The following GAPDH variants were observed in gnomAD, a reference collection of about 807,000 sequenced individuals.
GAPDH encodes glyceraldehyde-3-phosphate dehydrogenase.
GAPDH carries 13 observed loss-of-function variants against 31.2 expected under a neutral mutation model. The ratio of observed to expected loss-of-function variants is 0.42; its 90% CI spans 0.27 to 0.66. GAPDH has a LOEUF of 0.66. Ranked by LOEUF, GAPDH falls within the 30% of genes least tolerant of loss-of-function variation. The pLI, the probability that GAPDH is intolerant of heterozygous loss-of-function variation, is 0.26. For missense variants in GAPDH, 300 were observed against 443.7 expected, an observed-to-expected ratio of 0.68 and a Z score of 2.91; for synonymous variants, 211 against 166.9, an observed-to-expected ratio of 1.26 and a Z score of -2.04.
intron 8 of GAPDH, 43 bp downstream of exon 8, chr12:6,538,039 G>A (rs780523696): frequency 4.4e-6 from 7 of 1,597,754 alleles, no homozygotes; most frequent in Non-Finnish European, 4.2e-6. Flanking sequence ...AAAGTGCAGG[G>A]TCTGGCGCCC....
intron 2 of GAPDH, chr12:6,535,077 C>T (rs1946432177): frequency 7.7e-6 from 6 of 780,258 alleles, no homozygotes; most frequent in African/African-American, 1.8e-5. Flanking sequence ...TGCCCGGAGC[C>T]TCCTTCCCCT....
rs774143996 is a variant in GAPDH at position 6,538,144 on chromosome 12, A to G, written c.982A>G (p.Met328Val). ...CTACAGCAACAGGGTGGTGGACCTC[A>G]TGGCCCACATGGCCTCCAAGGAGTA... ...FGYSNRVVDLMAHMASKE is the reference protein window; with the variant it reads ...FGYSNRVVDLVAHMASKE Residue 328 changes from methionine (M) to valine (V), a missense_variant, in exon 9 of 9, where the codon ATG (methionine) becomes GTG (valine). By Grantham distance (21) the Met-to-Val change is conservative. Coordinates refer to ENST00000229239, the MANE Select transcript of GAPDH (RefSeq NM_002046.7). The G allele has an allele frequency of 4.3e-6, 7 of 1,611,714 alleles. No individual in the cohort carries two copies. The highest frequency in any genetic ancestry group is 5.9e-6 in the Non-Finnish European group (7 of 1,179,836).
Position 6,537,333 on chromosome 12 carries a change from C to T in GAPDH, c.468C>T (p.Cys156=), listed in dbSNP as rs780898155. ...IISNASCTTN[C]LAPLAKVIHD... is the part of the protein sequence containing the mutation. ...GCAATGCCTCCTGCACCACCAACTG[C>T]TTAGCACCCCTGGCCAAGGTCATCC... Residue 156 remains cysteine, a synonymous_variant, in exon 7 of 9, where the codon TGC becomes TGT. Coordinates refer to ENST00000229239, the MANE Select transcript of GAPDH (RefSeq NM_002046.7). This position sits in a 1 kb window ranked among gnomAD's most constrained non-coding sequence, Gnocchi z 4.9. 5.8e-5 allele frequency: 94 copies of T among 1,610,370 alleles called. No homozygotes were observed. The highest frequency in any genetic ancestry group is 7.4e-5 in the Non-Finnish European group (87 of 1,180,000).
rs185924580 is a variant in GAPDH at position 6,536,112 on chromosome 12, G to T, written c.30-382G>T. On this transcript the variant is annotated intron_variant, in intron 2 of 8. Coordinates refer to ENST00000229239, the MANE Select transcript of GAPDH (RefSeq NM_002046.7). ...TGCCCTTTGAGTTTGATGATGCTGA[G>T]TGTACAAGCGTTTTCTCCCTAAAGG... Among the ~76,000 whole-genome samples the T allele has an allele frequency of 1.2e-3, 189 of 152,320 alleles. 2 individuals carry two copies. Among genetic ancestry groups the T allele is most frequent in the South Asian group, 5.0e-3 (24 of 4,828 alleles).
rs1298058790 is a variant in GAPDH, at chr12:6,537,540, G to A, written c.526-44G>A. The A allele has an allele frequency of 1.3e-6, 2 of 1,593,578 alleles. No individual in the cohort carries two copies. Among genetic ancestry groups the A allele is most frequent in the Admixed American group, 1.7e-5 (1 of 58,904 alleles). On this transcript the variant is annotated intron_variant, in intron 7 of 8. Coordinates refer to ENST00000229239, the MANE Select transcript of GAPDH (RefSeq NM_002046.7). The surrounding 1 kb of genome is among the most constrained non-coding windows in gnomAD (Gnocchi z 4.9). ...TTTCAAGGTGGGGAGGGAGGTAGAG[G>A]GGTGATGTGGGGAGTACGCTGCAGG...
At position 6,536,932 on chromosome 12, in the gene GAPDH, C is replaced by T. The variant is rs1465246544; in HGVS notation, c.249C>T (p.Ser83=). Residue 83 remains serine (S), a synonymous_variant, in exon 5 of 9, where the codon TCC becomes TCT. Coordinates refer to ENST00000229239, the MANE Select transcript of GAPDH (RefSeq NM_002046.7). Reference sequence around the variant, plus strand: ...CCCACCCCCATAGGCGAGATCCCTCCAAAATCAAGTGGGGCGATGCTGGCG... The same window carrying T: ...CCCACCCCCATAGGCGAGATCCCTCTAAAATCAAGTGGGGCGATGCTGGCG... ...PITIFQERDP[S]KIKWGDAGAE... 1 of 1,613,790 alleles carries T rather than the reference C, an allele frequency of 6.2e-7. No homozygotes were observed. The highest frequency in any genetic ancestry group is 1.7e-5 in the Admixed American group (1 of 60,004).
At position 6,536,572 on chromosome 12, in the gene GAPDH, C is replaced by T. The variant is rs140793249; in HGVS notation, c.108C>T (p.Pro36=). 1.2e-4 allele frequency: 190 copies of T among 1,613,062 alleles called. No individual in the cohort carries two copies. Among genetic ancestry groups the T allele is most frequent in the Non-Finnish European group, 1.4e-4 (168 of 1,179,322 alleles). The change falls in exon 3 of 9, where the codon CCC becomes CCT. Residue 36 remains proline (P), a synonymous_variant. Transcript: ENST00000229239. The stretch of plus-strand genomic sequence containing the variant: ...TGGATATTGTTGCCATCAATGACCC[C>T]TTCATTGACCTCAACTACATGGTGA... ...GKVDIVAIND[P]FIDLNYMVYM...
At position 6,537,240 on chromosome 12, in the gene GAPDH, G is replaced by C; in HGVS notation, c.443+24G>C. On this transcript the variant is annotated intron_variant, in intron 6 of 8. Transcript: ENST00000229239. The surrounding 1 kb of genome is among the most constrained non-coding windows in gnomAD (Gnocchi z 4.9). Reference sequence around the variant, plus strand: ...AGGTGAGGAAGGCAGGGCCCGTGGAGAAGCGGCCAGCCTGGCACCCTATGG... The same window carrying C: ...AGGTGAGGAAGGCAGGGCCCGTGGACAAGCGGCCAGCCTGGCACCCTATGG... 1 of 1,597,908 alleles carries C rather than the reference G, an allele frequency of 6.3e-7. No homozygotes were observed.
chr12:6,537,320 GCAC>G lies in GAPDH; in HGVS notation c.461_463del (p.Thr154del), dbSNP rs1946497632. The G allele has an allele frequency of 6.2e-7, 1 of 1,610,814 alleles. No homozygotes were observed. The highest frequency in any genetic ancestry group is 8.5e-7 in the Non-Finnish European group (1 of 1,179,962). ...CTCTTTCTTTGCAGCAATGCCTCCT[GCAC>G]CACCAACTGCTTAGCACCCCTGGCC... On this transcript the variant is annotated inframe_deletion, in exon 7 of 9. Coordinates refer to ENST00000229239, the MANE Select transcript of GAPDH (RefSeq NM_002046.7). The surrounding 1 kb of genome is among the most constrained non-coding windows in gnomAD (Gnocchi z 4.9).
chr12:6,537,029 G>A lies in GAPDH; in HGVS notation c.327+19G>A, dbSNP rs756848400. ...GGCTGGGGTGAGTGCAGGAGGGCCCGCGGGAGGGGAAGCTGACTCAGCCCT... is the reference window on the plus strand; with the variant it reads ...GGCTGGGGTGAGTGCAGGAGGGCCCACGGGAGGGGAAGCTGACTCAGCCCT... On this transcript the variant is annotated intron_variant, in intron 5 of 8. Transcript: ENST00000229239. This position sits in a 1 kb window ranked among gnomAD's most constrained non-coding sequence, Gnocchi z 4.9. The A allele has an allele frequency of 4.4e-5, 71 of 1,609,764 alleles. No individual in the cohort carries two copies. The Admixed American group carries it at 1.0e-3, about 23-fold the overall frequency.
At position 6,534,731 on chromosome 12, in the gene GAPDH, G is replaced by C; in HGVS notation, c.-23-79G>C. Reference sequence around the variant, plus strand: ...TGATGCGGCGCGGGCTGGGCATGGAGGCCTGGTGGGGGAGGGGAGGGGAGG... The same window carrying C: ...TGATGCGGCGCGGGCTGGGCATGGACGCCTGGTGGGGGAGGGGAGGGGAGG... On this transcript the variant is annotated intron_variant, in intron 1 of 8. Coordinates refer to ENST00000229239, the MANE Select transcript of GAPDH (RefSeq NM_002046.7). The C allele has an allele frequency of 6.3e-6, 8 of 1,267,414 alleles. No individual in the cohort carries two copies. The South Asian group carries it at 8.5e-5, about 13-fold the overall frequency. 78.5% of individuals were successfully genotyped at this position (1,267,414 alleles called of 1,614,324 possible). A position where few individuals can be genotyped will look rare whatever the true frequency, so the allele number is the denominator to read the frequency against.
At position 6,536,962 on chromosome 12, in the gene GAPDH, G is replaced by A. The variant is rs1946484195; in HGVS notation, c.279G>A (p.Glu93=). The change falls in exon 5 of 9, where the codon GAG becomes GAA. Residue 93 remains glutamate, a synonymous_variant. Coordinates refer to ENST00000229239, the MANE Select transcript of GAPDH (RefSeq NM_002046.7). ...TCAAGTGGGGCGATGCTGGCGCTGA[G>A]TACGTCGTGGAGTCCACTGGCGTCT... The part of the protein sequence containing the change: ...SKIKWGDAGA[E]YVVESTGVFT... The A allele has an allele frequency of 6.2e-7, 1 of 1,613,976 alleles. No individual in the cohort carries two copies. The highest frequency in any genetic ancestry group is 8.5e-7 in the Non-Finnish European group (1 of 1,179,974).
intron 2 of GAPDH, among the ~76,000 whole-genome samples, chr12:6,535,656 G>T (rs1051705327): frequency 2.6e-5 from 4 of 152,016 alleles, no homozygotes; most frequent in Non-Finnish European, 5.9e-5. Flanking sequence ...TCACGGCCCC[G>T]CCCTTCCCCT....
rs759968940 is a variant in GAPDH, at chr12:6,537,830, A to G, written c.772A>G (p.Ile258Val). Residue 258 changes from isoleucine to valine, a missense_variant, in exon 8 of 9, where the codon ATC (isoleucine) becomes GTC (valine). Physicochemically the swap from Ile to Val is conservative, Grantham distance 29. Coordinates refer to ENST00000229239, the MANE Select transcript of GAPDH (RefSeq NM_002046.7). The surrounding 1 kb of genome is among the most constrained non-coding windows in gnomAD (Gnocchi z 4.9). ...AGAAAAACCTGCCAAATATGATGACATCAAGAAGGTGGTGAAGCAGGCGTC... is the reference window on the plus strand; with the variant it reads ...AGAAAAACCTGCCAAATATGATGACGTCAAGAAGGTGGTGAAGCAGGCGTC... ...RLEKPAKYDD[I>V]KKVVKQASEG... 4 of 1,612,310 alleles carry G rather than the reference A, an allele frequency of 2.5e-6. No homozygotes were observed. The South Asian group carries it at 4.4e-5, about 18-fold the overall frequency.
At chr12:6,535,372 T>G (rs1315226612) in intron 2 of GAPDH, 1 of 989,784 alleles carries the variant, frequency 1.0e-6, no homozygotes, top group Admixed American at 5.9e-5. Context: ...CGCTCCTGCC[T>G]CGATGGGTGG....
rs998967063 is a variant in GAPDH, at chr12:6,535,148, G to T, written c.29+287G>T. ...AGATCCCGACCCGGACCCCTAGGTG[G>T]GGGACGCTTTCTTTCCTTTCGCGCT... On this transcript the variant is annotated intron_variant, in intron 2 of 8. Transcript: ENST00000229239. The T allele has an allele frequency of 9.8e-6, 10 of 1,017,396 alleles. No individual in the cohort carries two copies. The African/African-American group carries it at 1.2e-4, about 12-fold the overall frequency. 63.0% of individuals were successfully genotyped at this position (1,017,396 alleles called of 1,614,324 possible).
At position 6,536,954 on chromosome 12, in the gene GAPDH, G is replaced by A; in HGVS notation, c.271G>A (p.Gly91Ser). 1.9e-6 allele frequency: 3 copies of A among 1,613,856 alleles called. No individual in the cohort carries two copies. Among genetic ancestry groups the A allele is most frequent in the Non-Finnish European group, 2.5e-6 (3 of 1,179,920 alleles). The change falls in exon 5 of 9, where the codon GGC (glycine) becomes AGC (serine). Residue 91 changes from glycine (G) to serine (S), a missense_variant. Coordinates refer to ENST00000229239, the MANE Select transcript of GAPDH (RefSeq NM_002046.7). ...CTCCAAAATCAAGTGGGGCGATGCTGGCGCTGAGTACGTCGTGGAGTCCAC... is the reference window on the plus strand; with the variant it reads ...CTCCAAAATCAAGTGGGGCGATGCTAGCGCTGAGTACGTCGTGGAGTCCAC... ...DPSKIKWGDA[G>S]AEYVVESTGV...
At chr12:6,536,299 C>T (rs547798400) in intron 2 of GAPDH, among the ~76,000 whole-genome samples, 195 bp from the exon 3 acceptor site, 11 of 152,120 alleles carry the variant, frequency 7.2e-5, no homozygotes, top group Non-Finnish European at 1.2e-4. Context: ...AGCCCTGGAG[C>T]CTTCAGTTGC....
chr12:6,534,661 G>A lies in GAPDH; in HGVS notation c.-24+92G>A, dbSNP rs915018122. ...GCCGGATGTGTTCGCGCCGCTGCGG[G>A]GTGGGCCCGGGCGGCCTCCGCATTG... On this transcript the variant is annotated intron_variant, in intron 1 of 8. Transcript: ENST00000229239. The A allele has an allele frequency of 5.8e-5, 42 of 728,726 alleles. 1 individual carries two copies. The Middle Eastern group carries it at 1.4e-3, about 25-fold the overall frequency. 45.1% of individuals were successfully genotyped at this position (728,726 alleles called of 1,614,324 possible). A position where few individuals can be genotyped will look rare whatever the true frequency, so the allele number is the denominator to read the frequency against.
Sources: gnomAD v4.1 joint callset for allele counts (sites outside exome capture counted in the v4.1 genomes callset) on GRCh38, gnomAD v4.1.1 for gene constraint, Gnocchi (gnomAD v3.1) non-coding constraint, MANE v1.5 for transcripts, NCBI Gene and HGNC (gene_info 2026-07-23, HGNC 2026-07-21) for gene names.